The following IRAK2 variants were observed in gnomAD, a reference collection of about 807,000 sequenced individuals.
IRAK2 encodes the protein interleukin-1 receptor-associated kinase-like 2.
In IRAK2, 57 loss-of-function variants were observed where a neutral mutation model predicts 72.0. The ratio of observed to expected loss-of-function variants is 0.79; its 90% CI spans 0.64 to 0.99. The LOEUF (loss-of-function observed/expected upper bound fraction) is 0.99, where lower values mean the gene tolerates loss of function less well. Ranked by LOEUF, IRAK2 falls within the 50% of genes least tolerant of loss-of-function variation. IRAK2 has a pLI of 0.00. For synonymous variants in IRAK2, 293 were observed against 312.7 expected (o/e 0.94, Z 0.67); for missense variants, 790 against 794.4 (o/e 0.99, Z 0.07).
intron 2 of IRAK2, among the ~76,000 whole-genome samples, chr3:10,179,863 C>A (rs1310607036): frequency 1.3e-5 from 2 of 152,188 alleles, no homozygotes; most frequent in Non-Finnish European, 2.9e-5. Context: ...AGCCACCATG[C>A]CCAGCCATTT....
intron 3 of IRAK2, among the ~76,000 whole-genome samples, chr3:10,208,573 C>G (rs959977904): frequency 2.0e-5 from 3 of 151,808 alleles, no homozygotes; most frequent in African/African-American, 7.3e-5. Flanking sequence ...ACCATCCTGG[C>G]TAACACAGTG....
At chr3:10,229,791 C>T (rs893665511) in intron 10 of IRAK2, among the ~76,000 whole-genome samples, 4 of 152,114 alleles carry the variant, frequency 2.6e-5, no homozygotes, top group African/African-American at 7.2e-5. Context: ...CCAACACAAA[C>T]ATTCTTATTT....
At chr3:10,192,538 A>G (rs1279751119) in intron 2 of IRAK2, among the ~76,000 whole-genome samples, 1 of 152,210 alleles carries the variant, frequency 6.6e-6, no homozygotes, top group East Asian at 1.9e-4. Context: ...CTTTCTTCAG[A>G]TATAAGACAA....
intron 6 of IRAK2, among the ~76,000 whole-genome samples, chr3:10,214,571 A>C (rs950163381): frequency 6.6e-6 from 1 of 150,846 alleles, no homozygotes; most frequent in African/African-American, 2.4e-5. Context: ...TTTCATCTGA[A>C]ACACTTGTGC....
intron 3 of IRAK2, among the ~76,000 whole-genome samples, chr3:10,202,689 C>CTTTTTTTT (rs374939802): frequency 3.1e-5 from 3 of 98,068 alleles, no homozygotes; most frequent in Non-Finnish European, 3.8e-5. Flanking sequence ...ACTTTCTTTC[C>CTTTTTTTT]TTTTTTTTTT....
intron 2 of IRAK2, among the ~76,000 whole-genome samples, chr3:10,184,129 G>A (rs937000735): frequency 5.3e-5 from 8 of 152,168 alleles, no homozygotes; most frequent in Non-Finnish European, 1.2e-4. Context: ...GAGGAAAAAG[G>A]TGGGTACACT....
At chr3:10,221,609 TG>T (rs1697694635) in intron 8 of IRAK2, among the ~76,000 whole-genome samples, 1 of 151,268 alleles carries the variant, frequency 6.6e-6, no homozygotes, top group South Asian at 2.1e-4. Flanking sequence ...TGGAGTACAG[TG>T]GCGCAATCTC....
In IRAK2 at chr3:10,242,167, T is replaced by G. The variant is rs777573934; in HGVS notation, c.1817T>G (p.Met606Arg). The G allele has an allele frequency of 6.2e-7, 1 of 1,613,750 alleles. No homozygotes were observed. The highest frequency in any genetic ancestry group is 8.5e-7 in the Non-Finnish European group (1 of 1,179,782). ...ATCAATGAGGCCAAAAGGAAACTGA[T>G]GGAGAATATTCTGCTCTACAAAGAG... Reference protein sequence around the residue: ...IEINEAKRKLMENILLYKEEK... With the variant: ...IEINEAKRKLRENILLYKEEK... The change falls in exon 13 of 13, where the codon ATG becomes AGG. Residue 606 changes from methionine to arginine, a missense_variant. Physicochemically the swap from Met to Arg is moderately conservative, Grantham distance 91 (BLOSUM62 -1). Transcript: ENST00000256458.
intron 3 of IRAK2, among the ~76,000 whole-genome samples, chr3:10,206,304 C>G (rs1242442667): frequency 6.6e-6 from 1 of 152,124 alleles, no homozygotes; most frequent in Admixed American, 6.5e-5. Context: ...GATGCAGATG[C>G]AGGGATTGAT....
intron 1 of IRAK2, among the ~76,000 whole-genome samples, chr3:10,168,308 T>C (rs1247182751): frequency 1.3e-5 from 2 of 151,696 alleles, no homozygotes; most frequent in African/African-American, 2.4e-5. Context: ...CCTCCTGGGT[T>C]CAAGCGATTC....
intron 2 of IRAK2, among the ~76,000 whole-genome samples, chr3:10,191,099 C>T (rs1697168039): frequency 6.6e-6 from 1 of 152,092 alleles, no homozygotes; most frequent in Non-Finnish European, 1.5e-5. Context: ...TCGAGACCAT[C>T]CTGGCTAACA....
At chr3:10,239,743 A>AAAAACTC (rs1698023538) in intron 12 of IRAK2, among the ~76,000 whole-genome samples, 1 of 151,990 alleles carries the variant, frequency 6.6e-6, no homozygotes, top group Non-Finnish European at 1.5e-5. Context: ...ACAAAAAACA[A>AAAAACTC]AAAACTCAAT....
intron 2 of IRAK2, among the ~76,000 whole-genome samples, chr3:10,192,705 G>A (rs1435842262): frequency 6.6e-6 from 1 of 152,100 alleles, no homozygotes; most frequent in African/African-American, 2.4e-5. Context: ...GATCACCTGA[G>A]GTCAGGAGTT....
chr3:10,208,480 A>G (rs930244059), intron 3 of IRAK2, among the ~76,000 whole-genome samples: 14 of 132,712 alleles, frequency 1.1e-4, no homozygotes, highest in African/African-American at 4.8e-4. Context: ...AATCTTTTGT[A>G]GGACTGAGCG....
intron 1 of IRAK2, among the ~76,000 whole-genome samples, chr3:10,166,845 T>G (rs1388260841): frequency 6.6e-6 from 1 of 152,168 alleles, no homozygotes; most frequent in African/African-American, 2.4e-5. Context: ...GGTTTCGCCA[T>G]GTTGGCCAGG....
rs575700862 is a variant in IRAK2, at chr3:10,191,172, G to A, written c.278-9197G>A. Among the ~76,000 whole-genome samples, 302 of 152,188 alleles carry A rather than the reference G, an allele frequency of 2.0e-3. 4 individuals are homozygous for A. The highest frequency in any genetic ancestry group is 6.0e-3 in the African/African-American group (249 of 41,524). ...TAGCTGGGCGTGGTGGCGGGTGCCTGTAGTCCCAGCTACTCAAGAGGCTGA... is the reference window on the plus strand; with the variant it reads ...TAGCTGGGCGTGGTGGCGGGTGCCTATAGTCCCAGCTACTCAAGAGGCTGA... On this transcript the variant is annotated intron_variant, in intron 2 of 12. Coordinates refer to ENST00000256458, the MANE Select transcript of IRAK2 (RefSeq NM_001570.4).
chr3:10,233,625 G>A (rs1029800588), intron 10 of IRAK2, among the ~76,000 whole-genome samples: 3 of 152,024 alleles, frequency 2.0e-5, no homozygotes, highest in Non-Finnish European at 4.4e-5. Flanking sequence ...TATGTATATA[G>A]GTCAGAATCC....
chr3:10,241,566 G>GATTGATAAATAA, intron 12 of IRAK2, among the ~76,000 whole-genome samples: 1 of 131,836 alleles, frequency 7.6e-6, no homozygotes, highest in East Asian at 2.4e-4. Flanking sequence ...CTCAACAAAT[G>GATTGATAAATAA]ATAAATAAAT....
chr3:10,209,674 C>G lies in IRAK2; in HGVS notation c.510C>G (p.Pro170=). The change falls in exon 4 of 13, where the codon CCC becomes CCG. Residue 170 remains proline, a synonymous_variant. Coordinates refer to ENST00000256458, the MANE Select transcript of IRAK2 (RefSeq NM_001570.4). ...CTCATTCCTTGAGAAGCGACCTCCC[C>G]ACTTCGTCTGATTCAAAGGTAAATC... The part of the protein sequence containing the change: ...DAPHSLRSDL[P]TSSDSKDFST... 6.5e-7 allele frequency: 1 copy of G among 1,536,444 alleles called. No homozygotes were observed. Among genetic ancestry groups the G allele is most frequent in the South Asian group, 1.2e-5 (1 of 80,374 alleles).
Sources: gnomAD v4.1 joint callset for allele counts (sites outside exome capture counted in the v4.1 genomes callset) on GRCh38, gnomAD v4.1.1 for gene constraint, MANE v1.5 for transcripts, NCBI Gene and HGNC (gene_info 2026-07-23, HGNC 2026-07-21) for gene names.